The following UBR3 variants were observed in gnomAD, a reference collection of about 807,000 sequenced individuals.
UBR3 encodes E3 ubiquitin-protein ligase UBR3.
Under a neutral mutation model 243.2 loss-of-function variants are expected in UBR3, and 85 were observed. That is an observed-to-expected ratio of 0.35 (90% CI 0.29 to 0.42). The LOEUF is 0.42. Ranked by LOEUF, UBR3 falls within the 10% of genes least tolerant of loss-of-function variation. The pLI, the probability that UBR3 is intolerant of heterozygous loss-of-function variation, is 1.00. For synonymous variants in UBR3, 748 were observed against 799.8 expected (o/e 0.94, Z 1.09); for missense variants, 1,686 against 2,300.8 (o/e 0.73, Z 5.47).
In UBR3 at chr2:169,946,381, T is replaced by A. The variant is rs755911492; in HGVS notation, c.2899T>A (p.Ser967Thr). ...LGLENSAEEE[S>T]DEEASVGGPE... ...ACTTGAAAATTCTGCTGAAGAAGAA[T>A]CAGATGAAGAGGTAAGTAGTTTTTA... Residue 967 changes from serine (S) to threonine (T), a missense_variant, in exon 21 of 39, where the codon TCA (serine) becomes ACA (threonine). Ser to Thr is a moderately conservative substitution (Grantham distance 58, BLOSUM62 1). This residue lies in a region of UBR3 where 300 missense variants were observed against 314.4 expected (regional missense o/e 0.95). Coordinates refer to ENST00000272793, the MANE Select transcript of UBR3 (RefSeq NM_172070.4). The A allele has an allele frequency of 6.7e-7, 1 of 1,495,626 alleles. No individual in the cohort carries two copies. The highest frequency in any genetic ancestry group is 9.0e-7 in the Non-Finnish European group (1 of 1,115,904). The allele number at this position is 1,495,626 out of a possible 1,614,324, so 92.6% of individuals were successfully genotyped here.
At chr2:169,905,007 T>C in intron 8 of UBR3, 107 bp from the exon 9 acceptor site, 1 of 929,678 alleles carries the variant, frequency 1.1e-6, no homozygotes, top group Non-Finnish European at 1.4e-6. Flanking sequence ...AAGGCTGGGG[T>C]TTGAATTTAG....
chr2:170,027,980 G>A (rs116164538), intron 30 of UBR3, among the ~76,000 whole-genome samples: 1,769 of 151,882 alleles, frequency 0.012, 48 homozygotes, highest in African/African-American at 0.039. Context: ...AAAATTAATT[G>A]AGATTATCAA....
At chr2:169,983,631 T>C (rs2088860869) in intron 24 of UBR3, among the ~76,000 whole-genome samples, 1 of 152,128 alleles carries the variant, frequency 6.6e-6, no homozygotes, top group Non-Finnish European at 1.5e-5. Context: ...AAACTCTCTC[T>C]TGATGGGAGG....
At chr2:170,011,099 A>G (rs187157252) in intron 29 of UBR3, among the ~76,000 whole-genome samples, 2 of 152,268 alleles carry the variant, frequency 1.3e-5, no homozygotes, top group Non-Finnish European at 2.9e-5. Context: ...ACAAGAAATG[A>G]GAGGTCAAGG....
intron 1 of UBR3, among the ~76,000 whole-genome samples, chr2:169,851,175 A>G (rs1054014709): frequency 2.0e-5 from 3 of 152,176 alleles, no homozygotes; most frequent in African/African-American, 7.2e-5. Context: ...CACAGGCTAC[A>G]GTGCAGTGGC....
chr2:169,845,489 CTCT>C (rs1205494691), intron 1 of UBR3, among the ~76,000 whole-genome samples: 5 of 84,610 alleles, frequency 5.9e-5, no homozygotes, highest in East Asian at 5.9e-4. Flanking sequence ...ATTCCTTTCC[CTCT>C]TCGTCGTCAT....
At chr2:170,077,473 C>T (rs186182556) in intron 36 of UBR3, 17 of 1,459,006 alleles carry the variant, frequency 1.2e-5, no homozygotes, top group South Asian at 5.9e-5. Context: ...TTTCTTGAAA[C>T]GCAAGCCCAT....
In UBR3 at chr2:170,082,332, G is replaced by A. The variant is rs2091920932; in HGVS notation, c.*489G>A. 1 of 152,638 alleles carries A rather than the reference G, an allele frequency of 6.6e-6. No homozygotes were observed. Among genetic ancestry groups the A allele is most frequent in the African/African-American group, 2.4e-5 (1 of 41,428 alleles). The allele number at this position is 152,638 out of a possible 1,614,324, so 9.5% of individuals were successfully genotyped here. ...GAAAAAAATGTAAAACATGATTTAT[G>A]TGAAATACTGTATAGTAAAAGTTGG... On this transcript the variant is annotated 3_prime_UTR_variant, in exon 39 of 39. Coordinates refer to ENST00000272793, the MANE Select transcript of UBR3 (RefSeq NM_172070.4).
chr2:170,041,730 T>C (rs1393928393), intron 32 of UBR3, among the ~76,000 whole-genome samples: 1 of 152,218 alleles, frequency 6.6e-6, no homozygotes, highest in African/African-American at 2.4e-5. Context: ...CATCTATGGG[T>C]GTATAAAAGT....
chr2:170,046,813 T>C lies in UBR3; in HGVS notation c.4660+5828T>C, dbSNP rs1323311889. 2.0e-5 allele frequency among the ~76,000 whole-genome samples: 3 copies of C among 152,292 alleles called. No homozygotes were observed. The East Asian group carries it at 5.8e-4, about 29-fold the overall frequency. ...GTACCAGTTTTCAGAAAAATGACTT[T>C]TTTTTTTAGCATTCTCCAAAGATGA... is the stretch of plus-strand genomic sequence containing the variant. On this transcript the variant is annotated intron_variant, in intron 32 of 38. Coordinates refer to ENST00000272793, the MANE Select transcript of UBR3 (RefSeq NM_172070.4).
intron 23 of UBR3, among the ~76,000 whole-genome samples, chr2:169,955,803 A>AAAAAAG (rs1196032136): frequency 6.6e-6 from 1 of 150,466 alleles, no homozygotes; most frequent in Non-Finnish European, 1.5e-5. Context: ...CAAAAAAAAA[A>AAAAAAG]AAAAAAAAGA....
At chr2:170,041,154 GCT>G (rs1348051528) in intron 32 of UBR3, among the ~76,000 whole-genome samples, 169 bp downstream of exon 32, 1 of 152,172 alleles carries the variant, frequency 6.6e-6, no homozygotes, top group Non-Finnish European at 1.5e-5. Flanking sequence ...ACCAGCCTGG[GCT>G]ATTAATATAG....
intron 19 of UBR3, among the ~76,000 whole-genome samples, chr2:169,938,630 A>G (rs901325401): frequency 6.6e-6 from 1 of 152,140 alleles, no homozygotes; most frequent in Non-Finnish European, 1.5e-5. Flanking sequence ...TGGGTCACAA[A>G]TGTTTTAAAT....
intron 1 of UBR3, among the ~76,000 whole-genome samples, chr2:169,863,138 T>C (rs1484364120): frequency 6.6e-6 from 1 of 152,158 alleles, no homozygotes; most frequent in African/African-American, 2.4e-5. Context: ...AACTTGCAAA[T>C]AGACCACCAG....
intron 5 of UBR3, among the ~76,000 whole-genome samples, chr2:169,882,772 T>C (rs1348243688): frequency 1.3e-5 from 2 of 151,574 alleles, no homozygotes; most frequent in Non-Finnish European, 2.9e-5. Flanking sequence ...AGTCATGTGA[T>C]ACAACAAAAA....
chr2:169,908,018 C>T (rs549618435), intron 10 of UBR3, among the ~76,000 whole-genome samples: 2 of 152,136 alleles, frequency 1.3e-5, no homozygotes, highest in African/African-American at 2.4e-5. Context: ...GTGATCTGCC[C>T]ACCTCAGCCT....
intron 10 of UBR3, among the ~76,000 whole-genome samples, chr2:169,911,562 T>G (rs1293441094): frequency 2.0e-5 from 3 of 151,980 alleles, no homozygotes; most frequent in African/African-American, 7.2e-5. Flanking sequence ...GTGGTAGTAG[T>G]GGGAAAATAG....
At chr2:169,876,537 TATTG>T (rs2083619603) in intron 3 of UBR3, among the ~76,000 whole-genome samples, 2 of 127,520 alleles carry the variant, frequency 1.6e-5, no homozygotes, top group Admixed American at 7.5e-5. Flanking sequence ...CTCTTTATTG[TATTG>T]TATTGTATTG....
At chr2:169,912,336 C>A (rs2085285580) in intron 10 of UBR3, among the ~76,000 whole-genome samples, 1 of 152,160 alleles carries the variant, frequency 6.6e-6, no homozygotes, top group Admixed American at 6.5e-5. Flanking sequence ...ATTTCCATCA[C>A]CCCCAAAAGA....
Sources: allele counts gnomAD v4.1 joint callset (sites outside exome capture counted in the v4.1 genomes callset), GRCh38; gene constraint gnomAD v4.1.1; regional missense constraint gnomAD v4.1.1; transcripts MANE v1.5; gene names NCBI Gene and HGNC (gene_info 2026-07-23, HGNC 2026-07-21).